TMEM132C: variants seen among roughly 807,000 people sequenced by gnomAD.
The protein encoded by TMEM132C is protein phosphatase 1, regulatory subunit 152.
TMEM132C carries 29 observed loss-of-function variants against 61.4 expected under a neutral mutation model. The ratio of observed to expected loss-of-function variants is 0.47; its 90% CI spans 0.35 to 0.64. The LOEUF is 0.64. TMEM132C is among the 30% of genes least tolerant of loss of function. The pLI is 0.00. For missense variants in TMEM132C, 1,408 were observed against 1,476.9 expected (o/e 0.95, Z 0.76); for synonymous variants, 656 against 633.1 (o/e 1.04, Z -0.54).
At chr12:128,378,524 G>T (rs1438190277) in intron 1 of TMEM132C, among the ~76,000 whole-genome samples, 1 of 152,196 alleles carries the variant, frequency 6.6e-6, no homozygotes, top group Non-Finnish European at 1.5e-5. Context: ...GCCACTCACA[G>T]ATTTCGACAG....
At chr12:128,659,119 A>G (rs1954358695) in intron 4 of TMEM132C, among the ~76,000 whole-genome samples, 1 of 152,216 alleles carries the variant, frequency 6.6e-6, no homozygotes, top group Admixed American at 6.5e-5. Flanking sequence ...AGGGCTAGAT[A>G]GTAAATATTT....
intron 1 of TMEM132C, among the ~76,000 whole-genome samples, chr12:128,280,963 C>A (rs1870872142): frequency 3.3e-5 from 5 of 152,056 alleles, no homozygotes; most frequent in Admixed American, 3.3e-4. Flanking sequence ...GGTGTTGTTA[C>A]CCACATTTGA....
intron 5 of TMEM132C, among the ~76,000 whole-genome samples, chr12:128,682,024 G>A (rs911090941): frequency 3.3e-5 from 5 of 151,970 alleles, no homozygotes; most frequent in Admixed American, 6.6e-5. Context: ...CCTTTTGTGT[G>A]GCCTGGCTTG....
intron 2 of TMEM132C, among the ~76,000 whole-genome samples, chr12:128,510,372 G>T (rs951466180): frequency 2.0e-5 from 3 of 152,150 alleles, no homozygotes; most frequent in Admixed American, 6.5e-5. Flanking sequence ...CTGAAGGCTG[G>T]CAGGCCAGGG....
chr12:128,585,091 C>A (rs1875491877), intron 3 of TMEM132C, among the ~76,000 whole-genome samples: 1 of 152,232 alleles, frequency 6.6e-6, no homozygotes, highest in African/African-American at 2.4e-5. Context: ...AACTGATGGA[C>A]CGTCTTCACA....
intron 5 of TMEM132C, among the ~76,000 whole-genome samples, chr12:128,673,717 T>C (rs1286026925): frequency 6.6e-6 from 1 of 152,254 alleles, no homozygotes; most frequent in Non-Finnish European, 1.5e-5. Flanking sequence ...ATTCAAGCTG[T>C]GCAGCCTTGA....
intron 2 of TMEM132C, among the ~76,000 whole-genome samples, chr12:128,419,281 G>T (rs796613732): frequency 1.1e-4 from 17 of 152,308 alleles, no homozygotes; most frequent in African/African-American, 4.1e-4. Flanking sequence ...GAGGCCCTCA[G>T]AGAGCTTAGC....
At chr12:128,311,905 A>T (rs1442387648) in intron 1 of TMEM132C, among the ~76,000 whole-genome samples, 1 of 152,158 alleles carries the variant, frequency 6.6e-6, no homozygotes, top group Non-Finnish European at 1.5e-5. Flanking sequence ...GCAAGAGACC[A>T]CTCAAATTCA....
intron 2 of TMEM132C, among the ~76,000 whole-genome samples, chr12:128,447,728 TTTTTTTTTTG>T (rs1870035610): frequency 9.4e-6 from 1 of 106,496 alleles, no homozygotes; most frequent in Non-Finnish European, 1.8e-5. Flanking sequence ...TTTTTTTTTT[TTTTTTTTTTG>T]AGACGGAGTC....
chr12:128,402,590 A>G (rs1875199556), intron 1 of TMEM132C, among the ~76,000 whole-genome samples: 1 of 152,214 alleles, frequency 6.6e-6, no homozygotes, highest in Admixed American at 6.5e-5. Flanking sequence ...CTGTCCTGGG[A>G]GAGCCCCAGC....
chr12:128,696,919 G>T (rs532704027), intron 7 of TMEM132C, among the ~76,000 whole-genome samples: 1 of 152,274 alleles, frequency 6.6e-6, no homozygotes, highest in East Asian at 1.9e-4. Flanking sequence ...AGTTAACCAG[G>T]TCGTGCATTG....
At chr12:128,704,523 A>G (rs1342002187) in intron 8 of TMEM132C, among the ~76,000 whole-genome samples, 1 of 152,200 alleles carries the variant, frequency 6.6e-6, no homozygotes, top group African/African-American at 2.4e-5. Context: ...AAAGGGCAAA[A>G]TGCTCTTGTT....
At chr12:128,394,273 T>C (rs149683979) in intron 1 of TMEM132C, among the ~76,000 whole-genome samples, 3 of 152,180 alleles carry the variant, frequency 2.0e-5, no homozygotes, top group Non-Finnish European at 2.9e-5. Flanking sequence ...CATATGGAAA[T>C]TCAAGATGAA....
At chr12:128,639,430 A>C (rs1000437641) in intron 4 of TMEM132C, among the ~76,000 whole-genome samples, 1 of 149,852 alleles carries the variant, frequency 6.7e-6, no homozygotes, top group Non-Finnish European at 1.5e-5. Context: ...AATGATGGCA[A>C]GAATGATGGT....
chr12:128,316,294 AC>A (rs1488350280), intron 1 of TMEM132C, among the ~76,000 whole-genome samples: 2 of 152,122 alleles, frequency 1.3e-5, no homozygotes, highest in East Asian at 3.9e-4. Flanking sequence ...CACATGGGCT[AC>A]ACATCTTAGC....
intron 1 of TMEM132C, among the ~76,000 whole-genome samples, chr12:128,358,965 G>T (rs1312384852): frequency 6.6e-6 from 1 of 152,132 alleles, no homozygotes; most frequent in Non-Finnish European, 1.5e-5. Flanking sequence ...GCTTGCATGT[G>T]CCAGAGGCCA....
intron 1 of TMEM132C, among the ~76,000 whole-genome samples, chr12:128,351,650 G>A (rs1873340440): frequency 6.6e-6 from 1 of 151,982 alleles, no homozygotes; most frequent in Non-Finnish European, 1.5e-5. Flanking sequence ...GGTGTGTATA[G>A]ATCACATAGT....
chr12:128,321,902 G>GTGGT (rs1738141650), intron 1 of TMEM132C, among the ~76,000 whole-genome samples: 1 of 152,176 alleles, frequency 6.6e-6, no homozygotes, highest in Admixed American at 6.5e-5. Flanking sequence ...AAGACAGGAT[G>GTGGT]TGGTGGAAGG....
rs1954066172 is a variant in TMEM132C, at chr12:128,631,663, A to G, written c.1305+15328A>G. On this transcript the variant is annotated intron_variant, in intron 4 of 8. Coordinates refer to ENST00000435159, the MANE Select transcript of TMEM132C (RefSeq NM_001136103.3). ...AAATGGAGAATGAATTAGATTGACC[A>G]TGTAGCTTCAGGCACAGTTGGTTCC... 2.0e-5 allele frequency among the ~76,000 whole-genome samples: 3 copies of G among 152,246 alleles called. No individual in the cohort carries two copies. The South Asian group carries it at 6.2e-4, about 32-fold the overall frequency.
Sources: gnomAD v4.1 joint callset for allele counts (sites outside exome capture counted in the v4.1 genomes callset) on GRCh38, gnomAD v4.1.1 for gene constraint, MANE v1.5 for transcripts, NCBI Gene and HGNC (gene_info 2026-07-23, HGNC 2026-07-21) for gene names.